Variants in RFFL observed in about 807,000 individuals in gnomAD.
RFFL encodes E3 ubiquitin-protein ligase rififylin.
Under a neutral mutation model 40.4 loss-of-function variants are expected in RFFL, and 16 were observed. The ratio of observed to expected loss-of-function variants is 0.40; its 90% CI spans 0.27 to 0.60. The LOEUF (loss-of-function observed/expected upper bound fraction) is 0.60. Ranked by LOEUF, RFFL falls within the 20% of genes least tolerant of loss-of-function variation. The pLI is 0.47. For missense variants in RFFL, 367 were observed against 451.7 expected, an observed-to-expected ratio of 0.81 and a Z score of 1.70; for synonymous variants, 154 against 167.9, an observed-to-expected ratio of 0.92 and a Z score of 0.64.
At chr17:35,067,511 C>T (rs1212510900), upstream of RFFL, among the ~76,000 whole-genome samples, 1 of 142,514 alleles carries the variant, frequency 7.0e-6, no homozygotes, top group Non-Finnish European at 1.5e-5. Flanking sequence ...GGTTGGAGTG[C>T]AGTGGCACAA....
At chr17:35,083,612 C>T (rs752846658) in intron 1 of RFFL, among the ~76,000 whole-genome samples, 1 of 151,732 alleles carries the variant, frequency 6.6e-6, no homozygotes, top group African/African-American at 2.4e-5. Context: ...GAAACCCCAT[C>T]CCTACAAAAA....
At chr17:35,063,997 A>C (rs958504711), upstream of RFFL, 1 of 152,234 alleles carries the variant, frequency 6.6e-6, no homozygotes, top group Non-Finnish European at 1.5e-5. Flanking sequence ...CTAAAATTTC[A>C]TCTGAGAACA....
intron 1 of RFFL, among the ~76,000 whole-genome samples, chr17:35,076,236 C>T (rs1333690699): frequency 3.3e-5 from 5 of 151,638 alleles, no homozygotes; most frequent in South Asian, 2.1e-4. Flanking sequence ...TCAAGTGATC[C>T]GCCCGCCTCA....
intron 1 of RFFL, among the ~76,000 whole-genome samples, chr17:35,060,899 C>T (rs2091287558): frequency 6.6e-6 from 1 of 152,012 alleles, no homozygotes; most frequent in Admixed American, 6.6e-5. Context: ...TGCTGTCTGT[C>T]AGAAAAGACA....
chr17:35,046,310 T>A, intron 1 of RFFL, among the ~76,000 whole-genome samples: 1 of 152,166 alleles, frequency 6.6e-6, no homozygotes, highest in Non-Finnish European at 1.5e-5. Flanking sequence ...CACTGTTGTT[T>A]TGGATTGGAA....
chr17:35,027,424 TTTA>T (rs1011255694), intron 1 of RFFL, among the ~76,000 whole-genome samples: 1 of 152,112 alleles, frequency 6.6e-6, no homozygotes, highest in African/African-American at 2.4e-5. Context: ...CCTCTGTAGG[TTTA>T]TTAAGAAGTG....
chr17:35,039,119 CT>C (rs1276128220), intron 1 of RFFL, among the ~76,000 whole-genome samples: 1 of 152,150 alleles, frequency 6.6e-6, no homozygotes, highest in Non-Finnish European at 1.5e-5. Flanking sequence ...GTTGCCCAGG[CT>C]GATCTCGAAC....
At chr17:35,033,228 G>A (rs1290738864) in intron 1 of RFFL, among the ~76,000 whole-genome samples, 2 of 151,934 alleles carry the variant, frequency 1.3e-5, no homozygotes, top group African/African-American at 4.8e-5. Context: ...AAAGGCTGGA[G>A]TAGAAAAAGA....
chr17:35,066,829 T>C (rs1004270771), upstream of RFFL, among the ~76,000 whole-genome samples: 1 of 152,116 alleles, frequency 6.6e-6, no homozygotes, highest in African/African-American at 2.4e-5. Context: ...TGATAATTAA[T>C]GATTGCCAAA....
chr17:35,051,150 G>T (rs1442388284), intron 1 of RFFL, among the ~76,000 whole-genome samples: 1 of 152,066 alleles, frequency 6.6e-6, no homozygotes, highest in East Asian at 1.9e-4. Flanking sequence ...GTATAAACTA[G>T]GATAAACAAC....
chr17:35,038,010 G>A (rs62062377), intron 1 of RFFL, among the ~76,000 whole-genome samples: 14,209 of 151,108 alleles, frequency 0.094, 732 homozygotes, highest in South Asian at 0.14. Flanking sequence ...TGGAGCAGAC[G>A]GGCATGGTGG....
chr17:35,070,062 G>A (rs9897977), intron 1 of RFFL, among the ~76,000 whole-genome samples: 1,549 of 151,386 alleles, frequency 0.01, 26 homozygotes, highest in African/African-American at 0.035. Flanking sequence ...GAGAGCACGC[G>A]CACGTGCAAA....
At chr17:35,054,561 T>C (rs1428883784) in intron 1 of RFFL, among the ~76,000 whole-genome samples, 2 of 151,638 alleles carry the variant, frequency 1.3e-5, no homozygotes, top group African/African-American at 2.4e-5. Flanking sequence ...ACCTCTCCAT[T>C]CCTAAACTGC....
At chr17:35,027,778 A>G (rs1453114089) in intron 1 of RFFL, among the ~76,000 whole-genome samples, 1 of 151,780 alleles carries the variant, frequency 6.6e-6, no homozygotes, top group East Asian at 1.9e-4. Flanking sequence ...CACTCCTGTA[A>G]TCCCAGCACT....
chr17:35,066,257 A>G (rs906228740), upstream of RFFL, among the ~76,000 whole-genome samples: 1 of 152,216 alleles, frequency 6.6e-6, no homozygotes, highest in Non-Finnish European at 1.5e-5. Context: ...GTATGTGCCC[A>G]TTGTTTCATT....
At chr17:35,037,006 T>C (rs2091127781) in intron 1 of RFFL, among the ~76,000 whole-genome samples, 1 of 152,224 alleles carries the variant, frequency 6.6e-6, no homozygotes, top group African/African-American at 2.4e-5. Flanking sequence ...CAATCTATTC[T>C]GATTTTAATT....
At chr17:35,061,231 C>A (rs1003147133) in intron 1 of RFFL, among the ~76,000 whole-genome samples, 9 of 152,194 alleles carry the variant, frequency 5.9e-5, no homozygotes, top group Admixed American at 1.3e-4. Context: ...ACTTGGGCAA[C>A]AATATGGAGA....
At chr17:35,019,245 G>GA (rs984234237) in intron 3 of RFFL, among the ~76,000 whole-genome samples, 2 of 152,144 alleles carry the variant, frequency 1.3e-5, no homozygotes, top group Admixed American at 6.5e-5. Flanking sequence ...AAGGTCTCTT[G>GA]AAAATCTCAG....
chr17:35,063,519 A>C (rs2091305870), intron 1 of RFFL, 57 bp downstream of exon 1: 1 of 144,600 alleles, frequency 6.9e-6, no homozygotes, highest in African/African-American at 2.5e-5. Context: ...GGATTTTCCC[A>C]GTTTCTAATG....
Sources: gnomAD v4.1 joint callset for allele counts (sites outside exome capture counted in the v4.1 genomes callset) on GRCh38, gnomAD v4.1.1 for gene constraint, MANE v1.5 for transcripts, NCBI Gene and HGNC (gene_info 2026-07-23, HGNC 2026-07-21) for gene names.